Variants in SHISA6 observed in about 807,000 individuals in gnomAD.
The protein encoded by SHISA6 is shisa family member 6, also known as protein shisa-6.
Under a neutral mutation model 47.9 loss-of-function variants are expected in SHISA6, and 22 were observed. The ratio of observed to expected loss-of-function variants is 0.46; its 90% CI spans 0.33 to 0.66. The LOEUF is 0.66. Ranked by LOEUF, SHISA6 falls within the 30% of genes least tolerant of loss-of-function variation. The pLI is 0.02. For missense variants in SHISA6, 680 were observed against 764.6 expected (o/e 0.89, Z 1.30); for synonymous variants, 388 against 337.8 (o/e 1.15, Z -1.63).
chr17:11,479,258 T>C (rs1427248849), intron 3 of SHISA6, among the ~76,000 whole-genome samples: 1 of 151,820 alleles, frequency 6.6e-6, no homozygotes, highest in African/African-American at 2.4e-5. Context: ...ATAATTTGAG[T>C]ACCTTATAAT....
intron 3 of SHISA6, among the ~76,000 whole-genome samples, chr17:11,497,210 C>A (rs572324201): frequency 6.6e-6 from 1 of 152,130 alleles, no homozygotes; most frequent in African/African-American, 2.4e-5. Flanking sequence ...GAATGAGGAA[C>A]CTGCAATCAT....
intron 3 of SHISA6, among the ~76,000 whole-genome samples, chr17:11,522,039 CACTGCA>C (rs1485473251): frequency 6.6e-6 from 1 of 152,046 alleles, no homozygotes; most frequent in Non-Finnish European, 1.5e-5. Flanking sequence ...GATCTTGGCT[CACTGCA>C]ACCTCCGCCT....
intron 2 of SHISA6, chr17:11,288,238 G>C (rs1397343318): frequency 6.6e-6 from 1 of 152,106 alleles, no homozygotes; most frequent in Non-Finnish European, 1.5e-5. Context: ...TTCTTTTATT[G>C]CTGCAATAGG....
chr17:11,460,454 T>G (rs979431320), intron 3 of SHISA6, among the ~76,000 whole-genome samples: 2 of 152,222 alleles, frequency 1.3e-5, no homozygotes, highest in Non-Finnish European at 2.9e-5. Flanking sequence ...TGCAATGGCA[T>G]GATCTCAGCT....
chr17:11,352,983 C>T (rs1911940420), intron 2 of SHISA6, among the ~76,000 whole-genome samples: 1 of 152,162 alleles, frequency 6.6e-6, no homozygotes, highest in Admixed American at 6.5e-5. Context: ...TTGCCTTCCA[C>T]CCTAACCTTT....
At chr17:11,391,729 A>C (rs900821169) in intron 3 of SHISA6, among the ~76,000 whole-genome samples, 1 of 152,158 alleles carries the variant, frequency 6.6e-6, no homozygotes, top group African/African-American at 2.4e-5. Flanking sequence ...CAGTTTCCTC[A>C]TGTAAATCAG....
intron 3 of SHISA6, among the ~76,000 whole-genome samples, chr17:11,394,863 AC>A (rs1913512852): frequency 6.6e-6 from 1 of 152,018 alleles, no homozygotes; most frequent in Admixed American, 6.6e-5. Context: ...TATAATATAT[AC>A]ACAAATATAC....
intron 2 of SHISA6, among the ~76,000 whole-genome samples, chr17:11,342,946 G>C (rs1488835021): frequency 6.6e-6 from 1 of 152,182 alleles, no homozygotes; most frequent in Non-Finnish European, 1.5e-5. Flanking sequence ...GGGACTTCTT[G>C]TTCAAGCCTC....
In SHISA6 at chr17:11,560,347, C is replaced by G. The variant is rs1409124896; in HGVS notation, c.*2043C>G. On this transcript the variant is annotated 3_prime_UTR_variant, in exon 6 of 6. Coordinates refer to ENST00000441885, the MANE Select transcript of SHISA6 (RefSeq NM_207386.4). ...CGGCTGGAAGGCCAGGGACTACCCT[C>G]TCTGCTTTCCTCCCAACAGACACAT... 2.0e-5 allele frequency: 3 copies of G among 152,540 alleles called. No homozygotes were observed. In the East Asian group the frequency reaches 5.8e-4, roughly 29 times the overall value. The allele number at this position is 152,540 out of a possible 1,614,324, so 9.4% of individuals were successfully genotyped here.
chr17:11,473,897 C>T (rs1199491352), intron 3 of SHISA6, among the ~76,000 whole-genome samples: 2 of 152,080 alleles, frequency 1.3e-5, no homozygotes, highest in Admixed American at 6.6e-5. Context: ...TCCTAATGCT[C>T]TCCATCCCCT....
intron 3 of SHISA6, among the ~76,000 whole-genome samples, chr17:11,458,273 G>A (rs1373635103): frequency 6.6e-6 from 1 of 152,110 alleles, no homozygotes; most frequent in African/African-American, 2.4e-5. Context: ...TGCCTATTGT[G>A]ATGTTACCTT....
At chr17:11,328,533 A>C (rs112456213) in intron 2 of SHISA6, among the ~76,000 whole-genome samples, 147 of 152,348 alleles carry the variant, frequency 9.6e-4, no homozygotes, top group African/African-American at 3.4e-3. Flanking sequence ...GAGTTAATAC[A>C]TCTAAAGTAC....
chr17:11,458,495 G>A (rs1915608670), intron 3 of SHISA6, among the ~76,000 whole-genome samples: 1 of 152,192 alleles, frequency 6.6e-6, no homozygotes, highest in African/African-American at 2.4e-5. Context: ...GCTGTTGAGT[G>A]TAGCAGACCA....
intron 3 of SHISA6, among the ~76,000 whole-genome samples, chr17:11,516,433 C>G (rs1288250610): frequency 6.6e-6 from 1 of 152,188 alleles, no homozygotes; most frequent in Non-Finnish European, 1.5e-5. Flanking sequence ...TGAGCTCATT[C>G]ACAGGGGCAG....
intron 2 of SHISA6, among the ~76,000 whole-genome samples, chr17:11,364,920 C>T (rs994313689): frequency 2.3e-4 from 35 of 152,114 alleles, no homozygotes; most frequent in African/African-American, 8.2e-4. Flanking sequence ...TATTACATTA[C>T]AGTTAAAAGT....
chr17:11,501,870 G>A (rs1597554516), intron 3 of SHISA6, among the ~76,000 whole-genome samples: 1 of 152,172 alleles, frequency 6.6e-6, no homozygotes, highest in Non-Finnish European at 1.5e-5. Flanking sequence ...TGGAAAAGGA[G>A]AGAAAAGGGC....
At chr17:11,545,967 C>T (rs1164875169) in intron 3 of SHISA6, among the ~76,000 whole-genome samples, 1 of 152,198 alleles carries the variant, frequency 6.6e-6, no homozygotes, top group Non-Finnish European at 1.5e-5. Flanking sequence ...CTGCTGTATT[C>T]TATTCATTGA....
chr17:11,554,421 G>T (rs1336058978), intron 4 of SHISA6, among the ~76,000 whole-genome samples: 1 of 152,132 alleles, frequency 6.6e-6, no homozygotes, highest in Non-Finnish European at 1.5e-5. Context: ...AGAAAAGTCA[G>T]GAGTCCCCGG....
intron 2 of SHISA6, among the ~76,000 whole-genome samples, chr17:11,320,086 A>G (rs1297961295): frequency 1.3e-5 from 2 of 152,234 alleles, no homozygotes; most frequent in African/African-American, 4.8e-5. Context: ...TAATAGATGA[A>G]CTGGCATTCA....
Sources: gnomAD v4.1 joint callset for allele counts (sites outside exome capture counted in the v4.1 genomes callset) on GRCh38, gnomAD v4.1.1 for gene constraint, MANE v1.5 for transcripts, NCBI Gene and HGNC (gene_info 2026-07-23, HGNC 2026-07-21) for gene names.